ZNF575: variants seen among roughly 807,000 people sequenced by gnomAD.
The protein encoded by ZNF575 is zinc finger protein 575.
ZNF575 carries 17 observed loss-of-function variants against 17.5 expected under a neutral mutation model. That is an observed-to-expected ratio of 0.97 (90% CI 0.66 to 1.45). The LOEUF is 1.45. Among genes scored for constraint, ZNF575 ranks in the 40% most tolerant of loss-of-function variants. The probability of loss-of-function intolerance (pLI) is 0.00; values close to 1 mark genes in which losing one functional copy is unlikely to be tolerated. For missense variants in ZNF575, 352 were observed against 359.2 expected (o/e 0.98, Z 0.16); for synonymous variants, 146 against 158.3 (o/e 0.92, Z 0.58).
At chr19:43,534,080 A>AAGGTCCCGCCCACTCTGCGCAT (rs1972379765) in intron 2 of ZNF575, 178 bp downstream of exon 2, 1 of 373,596 alleles carries the variant, frequency 2.7e-6, no homozygotes, top group African/African-American at 2.2e-5. Flanking sequence ...TCTGGTGGGG[A>AAGGTCCCGCCCACTCTGCGCAT]AGGTCCCGCC....
chr19:43,531,933 T>C, upstream of ZNF575: 1 of 426,168 alleles, frequency 2.3e-6, no homozygotes, highest in Non-Finnish European at 4.3e-6. Flanking sequence ...AGGCTGCCAT[T>C]AAGCCAGACT....
At chr19:43,532,001 G>T (rs1972351427), upstream of ZNF575, 1 of 428,586 alleles carries the variant, frequency 2.3e-6, no homozygotes, top group Admixed American at 4.6e-5. Context: ...ATGTTGCCTA[G>T]GCTGGGATTT....
chr19:43,531,407 C>A (rs1034333487), upstream of ZNF575, among the ~76,000 whole-genome samples: 6 of 152,106 alleles, frequency 3.9e-5, no homozygotes, highest in Non-Finnish European at 1.5e-5. Context: ...CATGGTGAAA[C>A]CCTGTCTCTA....
At chr19:43,534,973 C>T in intron 3 of ZNF575, 56 bp from the exon 4 acceptor site, 3 of 1,369,714 alleles carry the variant, frequency 2.2e-6, no homozygotes, top group South Asian at 3.3e-5. Flanking sequence ...CGGAGCCTGG[C>T]CTAGGCCCAG....
At chr19:43,531,693 G>T, upstream of ZNF575, 1 of 477,988 alleles carries the variant, frequency 2.1e-6, no homozygotes, top group Non-Finnish European at 3.7e-6. Context: ...ATATTTATGA[G>T]ATATGATGTT....
At chr19:43,531,908 A>C (rs1379346968), upstream of ZNF575, 2 of 554,194 alleles carry the variant, frequency 3.6e-6, no homozygotes, top group East Asian at 3.1e-5. Context: ...ACCCCCGTGA[A>C]ATAGCTGGGA....
At position 43,535,529 on chromosome 19, in the gene ZNF575, G is replaced by A. The variant is rs1411454776; in HGVS notation, c.580G>A (p.Ala194Thr). ...TTTCTCATTTCCCTCCAAGCTGGCC[G>A]CCCATCGCCTATGTCACGACCCCCC... ...KAFSFPSKLAAHRLCHDPPTA... is the reference protein window; with the variant it reads ...KAFSFPSKLATHRLCHDPPTA... The change falls in exon 4 of 4, where the codon GCC (alanine) becomes ACC (threonine). Residue 194 changes from alanine to threonine, a missense_variant. Transcript: ENST00000314228. 1.2e-6 allele frequency: 2 copies of A among 1,613,802 alleles called. No homozygotes were observed. Among genetic ancestry groups the A allele is most frequent in the South Asian group, 1.1e-5 (1 of 91,082 alleles).
Position 43,535,611 on chromosome 19 carries a change from C to A in ZNF575, c.662C>A (p.Ala221Asp), listed in dbSNP as rs1212979946. 2.5e-6 allele frequency: 4 copies of A among 1,613,578 alleles called. No homozygotes were observed. The highest frequency in any genetic ancestry group is 3.4e-6 in the Non-Finnish European group (4 of 1,179,968). Reference protein sequence around the residue: ...AWHRCSSCGQAFGQRRLLLLH... With the variant: ...AWHRCSSCGQDFGQRRLLLLH... ...CACCGATGCTCCAGCTGCGGCCAGG[C>A]CTTTGGCCAGAGACGCTTACTGCTC... Residue 221 changes from alanine (A) to aspartate (D), a missense_variant, in exon 4 of 4, where the codon GCC (alanine) becomes GAC (aspartate). Physicochemically the swap from Ala to Asp is moderately radical, Grantham distance 126. Coordinates refer to ENST00000314228, the MANE Select transcript of ZNF575 (RefSeq NM_174945.3).
In ZNF575 at chr19:43,535,341, G is replaced by A. The variant is rs746230424; in HGVS notation, c.392G>A (p.Arg131His). The stretch of plus-strand genomic sequence containing the variant: ...CACTGCCCGAAGTCCTTTGGCCACC[G>A]CTCCAAGCTGGCGGCTCACCTCTGG... ...CPHCPKSFGHRSKLAAHLWTH... is the reference protein window; with the variant it reads ...CPHCPKSFGHHSKLAAHLWTH... The change falls in exon 4 of 4, where the codon CGC becomes CAC. Residue 131 changes from arginine (R) to histidine (H), a missense_variant. Transcript: ENST00000314228. The A allele has an allele frequency of 2.9e-5, 46 of 1,594,950 alleles. 1 individual carries two copies. The highest frequency in any genetic ancestry group is 3.6e-5 in the Non-Finnish European group (42 of 1,171,774).
rs767927673 is a variant in ZNF575 at position 43,535,163 on chromosome 19, T to G, written c.214T>G (p.Phe72Val). The change falls in exon 4 of 4, where the codon TTC becomes GTC. Residue 72 changes from phenylalanine (F) to valine (V), a missense_variant. Transcript: ENST00000314228. ...PHRCPDCDKA[F>V]SYPSKLATHR... is the part of the protein sequence containing the mutation. ...CCGCTGCCCCGACTGTGACAAGGCC[T>G]TCTCGTACCCGTCCAAGCTGGCCAC... is the stretch of plus-strand genomic sequence containing the variant. 4 of 1,601,942 alleles carry G rather than the reference T, an allele frequency of 2.5e-6. No homozygotes were observed. The highest frequency in any genetic ancestry group is 3.4e-5 in the Admixed American group (2 of 58,526).
Position 43,534,390 on chromosome 19 carries a change from C to G in ZNF575, c.-33C>G, listed in dbSNP as rs1249741600. ...GTCATCACCGGCGTCACCCCCGCCC[C>G]GCGCCCTGCCCCTAGGTTCCTGTGC... On this transcript the variant is annotated 5_prime_UTR_variant, in exon 3 of 4. Coordinates refer to ENST00000314228, the MANE Select transcript of ZNF575 (RefSeq NM_174945.3). The G allele has an allele frequency of 1.3e-6, 2 of 1,541,130 alleles. No individual in the cohort carries two copies. The highest frequency in any genetic ancestry group is 2.0e-5 in the Admixed American group (1 of 49,038).
chr19:43,535,523 C>T lies in ZNF575; in HGVS notation c.574C>T (p.Leu192=), dbSNP rs760531039. 15 of 1,613,902 alleles carry T rather than the reference C, an allele frequency of 9.3e-6. No homozygotes were observed. Among genetic ancestry groups the T allele is most frequent in the Non-Finnish European group, 1.3e-5 (15 of 1,179,966 alleles). ...CPKAFSFPSK[L]AAHRLCHDPP... ...CAAGGCTTTCTCATTTCCCTCCAAG[C>T]TGGCCGCCCATCGCCTATGTCACGA... is the stretch of plus-strand genomic sequence containing the variant. Residue 192 remains leucine (L), a synonymous_variant, in exon 4 of 4, where the codon CTG becomes TTG. Transcript: ENST00000314228.
Position 43,535,178 on chromosome 19 carries a change from A to G in ZNF575, c.229A>G (p.Lys77Glu). Residue 77 changes from lysine (K) to glutamate (E), a missense_variant, in exon 4 of 4, where the codon AAG becomes GAG. Lys to Glu is a moderately conservative substitution (Grantham distance 56). Transcript: ENST00000314228. ...DCDKAFSYPS[K>E]LATHRLAHGG... ...TGACAAGGCCTTCTCGTACCCGTCC[A>G]AGCTGGCCACGCACCGCTTAGCACA... 2.5e-6 allele frequency: 4 copies of G among 1,608,162 alleles called. No homozygotes were observed. Among genetic ancestry groups the G allele is most frequent in the Non-Finnish European group, 3.4e-6 (4 of 1,177,948 alleles).
At position 43,535,753 on chromosome 19, in the gene ZNF575, G is replaced by T; in HGVS notation, c.*66G>T. On this transcript the variant is annotated 3_prime_UTR_variant, in exon 4 of 4. Coordinates refer to ENST00000314228, the MANE Select transcript of ZNF575 (RefSeq NM_174945.3). ...AGCCAGTAAGAGGTGGGATTTCTAAGACCGACTGTATGAGCTCGCCTCTTC... is the reference window on the plus strand; with the variant it reads ...AGCCAGTAAGAGGTGGGATTTCTAATACCGACTGTATGAGCTCGCCTCTTC... 6.7e-7 allele frequency: 1 copy of T among 1,489,484 alleles called. No homozygotes were observed. The highest frequency in any genetic ancestry group is 9.0e-7 in the Non-Finnish European group (1 of 1,116,172). 92.3% of individuals were successfully genotyped at this position (1,489,484 alleles called of 1,614,324 possible).
Position 43,535,093 on chromosome 19 carries a change from C to T in ZNF575, c.144C>T (p.Gly48=). Residue 48 remains glycine, a synonymous_variant, in exon 4 of 4, where the codon GGC becomes GGT. Transcript: ENST00000314228. ...QSAPGPTASA[G]SPPRPRRRPP... is the part of the protein sequence containing the mutation. Reference sequence around the variant, plus strand: ...CTCCAGGGCCCACCGCGTCCGCGGGCTCGCCTCCCCGGCCTCGCCGGCGGC... The same window carrying T: ...CTCCAGGGCCCACCGCGTCCGCGGGTTCGCCTCCCCGGCCTCGCCGGCGGC... The T allele has an allele frequency of 1.3e-6, 2 of 1,500,756 alleles. No individual in the cohort carries two copies. The highest frequency in any genetic ancestry group is 1.8e-6 in the Non-Finnish European group (2 of 1,132,214). 93.0% of individuals were successfully genotyped at this position (1,500,756 alleles called of 1,614,324 possible). A position where few individuals can be genotyped will look rare whatever the true frequency, so the allele number is the denominator to read the frequency against.
Position 43,536,076 on chromosome 19 carries a change from T to C in ZNF575, c.*389T>C, listed in dbSNP as rs764990899. 22 of 225,366 alleles carry C rather than the reference T, an allele frequency of 9.8e-5. No homozygotes were observed. The highest frequency in any genetic ancestry group is 1.5e-4 in the Non-Finnish European group (17 of 113,140). The allele number at this position is 225,366 out of a possible 1,614,324, so 14.0% of individuals were successfully genotyped here. On this transcript the variant is annotated 3_prime_UTR_variant, in exon 4 of 4. Transcript: ENST00000314228. ...ATCTAAGAAATTGAAAATACATACA[T>C]GCTTGTCTCAACTCTTCCACTTGTA...
Position 43,535,272 on chromosome 19 carries a change from C to G in ZNF575, c.323C>G (p.Ala108Gly). The part of the protein sequence containing the change: ...KAFSYPSKLA[A>G]HRLTHSGARP... ...TTCTCCTACCCCTCCAAGCTGGCAG[C>G]CCACCGCCTCACGCACAGCGGCGCC... is the stretch of plus-strand genomic sequence containing the variant. Residue 108 changes from alanine (A) to glycine (G), a missense_variant, in exon 4 of 4, where the codon GCC becomes GGC. Physicochemically the swap from Ala to Gly is moderately conservative, Grantham distance 60. Coordinates refer to ENST00000314228, the MANE Select transcript of ZNF575 (RefSeq NM_174945.3). 1 of 1,612,100 alleles carries G rather than the reference C, an allele frequency of 6.2e-7. No homozygotes were observed. Among genetic ancestry groups the G allele is most frequent in the African/African-American group, 1.3e-5 (1 of 74,986 alleles).
Position 43,535,684 on chromosome 19 carries a change from CTG to C in ZNF575, c.736_737del (p.Ter246SerfsTer22). The C allele has an allele frequency of 6.2e-7, 1 of 1,603,044 alleles. No individual in the cohort carries two copies. Among genetic ancestry groups the C allele is most frequent in the Non-Finnish European group, 8.5e-7 (1 of 1,174,744 alleles). On this transcript the variant is annotated frameshift_variant and stop_lost, in exon 4 of 4. Transcript: ENST00000314228. LOFTEE classifies it high-confidence loss of function. Reference protein sequence around the residue: ...HQVEHKGERD* With the variant: ...HQVEHKGERDX Reference sequence around the variant, plus strand: ...AGGTGGAGCACAAGGGGGAGAGAGACTGAGCCCTCCCTTGGCTCACTGTCCCC... The same window carrying C: ...AGGTGGAGCACAAGGGGGAGAGAGACAGCCCTCCCTTGGCTCACTGTCCCC...
In ZNF575 at chr19:43,535,299, G is replaced by A. The variant is rs762044331; in HGVS notation, c.350G>A (p.Arg117His). 1.9e-6 allele frequency: 3 copies of A among 1,584,550 alleles called. No individual in the cohort carries two copies. Among genetic ancestry groups the A allele is most frequent in the Admixed American group, 1.7e-5 (1 of 57,686 alleles). ...AAHRLTHSGA[R>H]PHPCPHCPKS... ...CACCGCCTCACGCACAGCGGCGCCC[G>A]CCCGCACCCGTGCCCACACTGCCCG... is the stretch of plus-strand genomic sequence containing the variant. The change falls in exon 4 of 4, where the codon CGC becomes CAC. Residue 117 changes from arginine (R) to histidine (H), a missense_variant. Transcript: ENST00000314228.
Sources: allele counts gnomAD v4.1 joint callset (sites outside exome capture counted in the v4.1 genomes callset), GRCh38; gene constraint gnomAD v4.1.1; transcripts MANE v1.5; gene names NCBI Gene and HGNC (gene_info 2026-07-23, HGNC 2026-07-21).